The following CCDC60 variants were observed in gnomAD, a reference collection of about 807,000 sequenced individuals.
The protein encoded by CCDC60 is coiled-coil domain containing 60, also known as coiled-coil domain-containing protein 60.
Under a neutral mutation model 63.5 loss-of-function variants are expected in CCDC60, and 54 were observed. The observed-to-expected ratio is 0.85, with a 90% CI of 0.68 to 1.07. CCDC60 has a LOEUF of 1.07. Ranked by LOEUF, CCDC60 falls within the 50% of genes least tolerant of loss-of-function variation. CCDC60 has a pLI of 0.00. For synonymous variants in CCDC60, 206 were observed against 238.8 expected (o/e 0.86, Z 1.27); for missense variants, 651 against 684.3 (o/e 0.95, Z 0.54).
At chr12:119,336,748 C>T (rs1955475692) in intron 1 of CCDC60, among the ~76,000 whole-genome samples, 1 of 152,170 alleles carries the variant, frequency 6.6e-6, no homozygotes, top group Admixed American at 6.6e-5. Context: ...TGAAAATTGT[C>T]CACTGTGATG....
rs1566019573 is a variant in CCDC60 at position 119,456,052 on chromosome 12, A to AAGCAAGCAAGCAAGC, written c.171-15941_171-15940insGCAAGCAAGCAAGCA. ...GAAAGAAAGAAAGAAAGAAAGAAAG[A>AAGCAAGCAAGCAAGC]AAGAAAGAAAGCAAGCAAGCATGTG... On this transcript the variant is annotated intron_variant, in intron 2 of 13. Coordinates refer to ENST00000327554, the MANE Select transcript of CCDC60 (RefSeq NM_178499.5). The surrounding 1 kb of genome is among the most constrained non-coding windows in gnomAD (Gnocchi z 4.6). 8.8e-6 allele frequency among the ~76,000 whole-genome samples: 1 copy of AAGCAAGCAAGCAAGC among 113,922 alleles called. No individual in the cohort carries two copies. The allele number at this position is 113,922 out of a possible 152,430, so 74.7% of individuals were successfully genotyped here.
At chr12:119,528,839 C>A in intron 12 of CCDC60, 93 bp downstream of exon 12, 2 of 1,297,348 alleles carry the variant, frequency 1.5e-6, no homozygotes, top group South Asian at 1.5e-5. Flanking sequence ...TCCTTCAAGG[C>A]ATAGAGAGGC....
intron 1 of CCDC60, among the ~76,000 whole-genome samples, chr12:119,409,762 C>T (rs555667485): frequency 5.3e-5 from 8 of 152,058 alleles, no homozygotes; most frequent in Non-Finnish European, 8.8e-5. Context: ...CTTTGGCCTT[C>T]TAATCTTCAT....
At chr12:119,344,151 T>A (rs1955562118) in intron 1 of CCDC60, among the ~76,000 whole-genome samples, 1 of 152,144 alleles carries the variant, frequency 6.6e-6, no homozygotes, top group African/African-American at 2.4e-5. Context: ...TCCCTTGCAT[T>A]GCAGGGTGTG....
chr12:119,363,106 AAATAAAAAAG>A (rs1466319244), intron 1 of CCDC60, among the ~76,000 whole-genome samples: 1 of 152,134 alleles, frequency 6.6e-6, no homozygotes, highest in African/African-American at 2.4e-5. Context: ...TCAAAAATAA[AAATAAAAAAG>A]AAAGAAATTG....
intron 1 of CCDC60, among the ~76,000 whole-genome samples, chr12:119,415,749 C>A (rs988826082): frequency 1.2e-4 from 19 of 152,188 alleles, no homozygotes; most frequent in African/African-American, 4.3e-4. Flanking sequence ...TAAACTTTTT[C>A]TGGAAAGGGC....
chr12:119,337,808 ATGTGTGTGTGTGTATTTG>A lies in CCDC60; in HGVS notation c.90+2556_90+2573del, dbSNP rs1436292007. The stretch of plus-strand genomic sequence containing the variant: ...AGGGACAGCTAATTTAGATTCACGC[ATGTGTGTGTGTGTATTTG>A]TGTGTGTGTGTGTGTGTGTGTGTGT... On this transcript the variant is annotated intron_variant, in intron 1 of 13. Transcript: ENST00000327554. 2.5e-3 allele frequency among the ~76,000 whole-genome samples: 347 copies of A among 138,100 alleles called. 2 individuals are homozygous for A. Among genetic ancestry groups the A allele is most frequent in the African/African-American group, 8.9e-3 (326 of 36,512 alleles). The allele number at this position is 138,100 out of a possible 152,430, so 90.6% of individuals were successfully genotyped here.
chr12:119,523,067 C>A, intron 10 of CCDC60, 66 bp downstream of exon 10: 2 of 1,401,182 alleles, frequency 1.4e-6, no homozygotes, highest in Non-Finnish European at 2.0e-6. Flanking sequence ...CCTCTATCTT[C>A]CCAGGGGTGT....
At chr12:119,455,843 AAGG>A (rs1322818942) in intron 2 of CCDC60, among the ~76,000 whole-genome samples, 2 of 149,844 alleles carry the variant, frequency 1.3e-5, no homozygotes, top group African/African-American at 4.9e-5. Flanking sequence ...AAGAAGAAGG[AAGG>A]AAGGAAGAAA....
intron 7 of CCDC60, among the ~76,000 whole-genome samples, chr12:119,507,469 T>C (rs1593188448): frequency 6.9e-6 from 1 of 145,624 alleles, no homozygotes; most frequent in East Asian, 2.0e-4. Context: ...TACACATACA[T>C]ATATATACAT....
rs561322960 is a variant in CCDC60, at chr12:119,503,840, G to A, written c.649-1229G>A. 1.3e-3 allele frequency among the ~76,000 whole-genome samples: 194 copies of A among 152,332 alleles called. 1 individual carries two copies. The highest frequency in any genetic ancestry group is 4.5e-3 in the African/African-American group (187 of 41,584). On this transcript the variant is annotated intron_variant, in intron 6 of 13. Coordinates refer to ENST00000327554, the MANE Select transcript of CCDC60 (RefSeq NM_178499.5). ...TGCGCAATGTGTATTAAATGTTGGTGTGGTCTTCAATGCTGTCTCTTCTCC... is the reference window on the plus strand; with the variant it reads ...TGCGCAATGTGTATTAAATGTTGGTATGGTCTTCAATGCTGTCTCTTCTCC...
At chr12:119,525,427 C>T (rs1952655498) in intron 11 of CCDC60, among the ~76,000 whole-genome samples, 1 of 152,126 alleles carries the variant, frequency 6.6e-6, no homozygotes, top group Admixed American at 6.5e-5. Context: ...AAGGGATCCC[C>T]ATGTGGCTAA....
At chr12:119,509,563 C>T (rs1306288486) in intron 7 of CCDC60, among the ~76,000 whole-genome samples, 1 of 152,184 alleles carries the variant, frequency 6.6e-6, no homozygotes, top group Non-Finnish European at 1.5e-5. Flanking sequence ...GTCTTCATCA[C>T]TCCCTATTGC....
At chr12:119,387,044 A>T (rs1428416870) in intron 1 of CCDC60, among the ~76,000 whole-genome samples, 56 of 143,016 alleles carry the variant, frequency 3.9e-4, no homozygotes, top group Middle Eastern at 3.4e-3. Context: ...TCACACACAC[A>T]CACACACACA....
chr12:119,372,152 C>T (rs1218609275), intron 1 of CCDC60, among the ~76,000 whole-genome samples: 1 of 152,076 alleles, frequency 6.6e-6, no homozygotes, highest in African/African-American at 2.4e-5. Context: ...CCCAGCTACT[C>T]GGGAGGCTGA....
At chr12:119,411,400 G>T (rs566937558) in intron 1 of CCDC60, among the ~76,000 whole-genome samples, 1 of 152,046 alleles carries the variant, frequency 6.6e-6, no homozygotes, top group East Asian at 1.9e-4. Flanking sequence ...AGCCAGCTTG[G>T]GGGTGAAAAG....
At chr12:119,356,261 T>G (rs1423669223) in intron 1 of CCDC60, among the ~76,000 whole-genome samples, 1 of 152,218 alleles carries the variant, frequency 6.6e-6, no homozygotes, top group Non-Finnish European at 1.5e-5. Flanking sequence ...TGAAATCTCT[T>G]TGAATATCTG....
chr12:119,377,847 G>A (rs1211950635), intron 1 of CCDC60, among the ~76,000 whole-genome samples: 1 of 152,202 alleles, frequency 6.6e-6, no homozygotes, highest in Non-Finnish European at 1.5e-5. Context: ...CACAGACGTG[G>A]CATCGTTGTC....
At chr12:119,458,909 G>C (rs1051272560) in intron 2 of CCDC60, among the ~76,000 whole-genome samples, 1 of 152,006 alleles carries the variant, frequency 6.6e-6, no homozygotes, top group African/African-American at 2.4e-5. Flanking sequence ...ACCATGCCCA[G>C]CTAATTTTTT....
Sources: gnomAD v4.1 joint callset for allele counts (sites outside exome capture counted in the v4.1 genomes callset) on GRCh38, gnomAD v4.1.1 for gene constraint, Gnocchi (gnomAD v3.1) non-coding constraint, MANE v1.5 for transcripts, NCBI Gene and HGNC (gene_info 2026-07-23, HGNC 2026-07-21) for gene names.